VCL: variants seen among roughly 807,000 people sequenced by gnomAD.
The protein encoded by VCL is epididymis luminal protein 114.
VCL carries 47 observed loss-of-function variants against 125.7 expected under a neutral mutation model. That is an observed-to-expected ratio of 0.37 (90% confidence interval 0.30 to 0.48). The LOEUF (loss-of-function observed/expected upper bound fraction) is 0.48, where lower values mean the gene tolerates loss of function less well. Ranked by LOEUF, VCL falls within the 20% of genes least tolerant of loss-of-function variation. The pLI, the probability that VCL is intolerant of heterozygous loss-of-function variation, is 0.99. For synonymous variants in VCL, 458 were observed against 514.6 expected (o/e 0.89, Z 1.49); for missense variants, 1,069 against 1,455.5 (o/e 0.73, Z 4.32).
chr10:74,051,025 C>G (rs1277352137), intron 2 of VCL, among the ~76,000 whole-genome samples: 1 of 149,546 alleles, frequency 6.7e-6, no homozygotes, highest in Non-Finnish European at 1.5e-5. Flanking sequence ...TTGCAACCTC[C>G]ACCTCCCAGG....
At chr10:74,106,367 T>A (rs993559901) in intron 16 of VCL, among the ~76,000 whole-genome samples, 2 of 152,254 alleles carry the variant, frequency 1.3e-5, no homozygotes, top group East Asian at 3.8e-4. Flanking sequence ...TGCTTTTTTT[T>A]CTTTGTAAAG....
At chr10:74,107,596 G>T (rs991576349) in intron 17 of VCL, among the ~76,000 whole-genome samples, 7 of 152,114 alleles carry the variant, frequency 4.6e-5, no homozygotes, top group African/African-American at 1.4e-4. Flanking sequence ...GGCTTGCTGT[G>T]ATGGGGAGCG....
At chr10:74,083,878 T>C (rs1275207696) in intron 8 of VCL, among the ~76,000 whole-genome samples, 1 of 150,602 alleles carries the variant, frequency 6.6e-6, no homozygotes, top group Admixed American at 6.6e-5. Flanking sequence ...TTTGTTTGTT[T>C]GTTTGTTTGA....
chr10:74,035,162 T>C (rs929960809), intron 1 of VCL, among the ~76,000 whole-genome samples: 1 of 152,170 alleles, frequency 6.6e-6, no homozygotes, highest in Admixed American at 6.5e-5. Context: ...TGTCTTTCTG[T>C]TTTCTTGTAC....
intron 1 of VCL, chr10:74,027,917 C>T (rs1840805151): frequency 6.6e-6 from 1 of 152,150 alleles, no homozygotes; most frequent in African/African-American, 2.4e-5. Flanking sequence ...CAGTCACAGA[C>T]CCTTAGTCAC....
In VCL at chr10:74,096,189, AAATTTATTT is replaced by A. The variant is rs1048897511; in HGVS notation, c.1743+337_1743+345del. Among the ~76,000 whole-genome samples, 38 of 150,516 alleles carry A rather than the reference AAATTTATTT, an allele frequency of 2.5e-4. 1 individual carries two copies. The highest frequency in any genetic ancestry group is 6.8e-3 in the Middle Eastern group (2 of 294). On this transcript the variant is annotated intron_variant, in intron 12 of 21. Transcript: ENST00000211998. Reference sequence around the variant, plus strand: ...TTAAATGGACTTCTTTTTAAAACTTAAATTTATTTAAGAGAAAACTCTGTGGGCCGGGCA... The same window carrying A: ...TTAAATGGACTTCTTTTTAAAACTTAAAGAGAAAACTCTGTGGGCCGGGCA...
In VCL at chr10:74,055,126, C is replaced by T. The variant is rs189638791; in HGVS notation, c.239+11973C>T. ...ACCAGTCTGGCTAACATGGTGGAAA[C>T]CCGTCTCTACTAAAAATACAGAAAT... On this transcript the variant is annotated intron_variant, in intron 2 of 21. Coordinates refer to ENST00000211998, the MANE Select transcript of VCL (RefSeq NM_014000.3). Among the ~76,000 whole-genome samples, 828 of 151,990 alleles carry T rather than the reference C, an allele frequency of 5.4e-3. 3 individuals carry two copies. The highest frequency in any genetic ancestry group is 9.3e-3 in the Non-Finnish European group (633 of 67,994).
chr10:74,050,008 C>A (rs1841270545), intron 2 of VCL, among the ~76,000 whole-genome samples: 1 of 152,086 alleles, frequency 6.6e-6, no homozygotes, highest in Non-Finnish European at 1.5e-5. Flanking sequence ...TGCAATGGAG[C>A]AGAAATGAAT....
intron 1 of VCL, among the ~76,000 whole-genome samples, chr10:74,021,715 G>A (rs1840670705): frequency 6.6e-6 from 1 of 152,188 alleles, no homozygotes; most frequent in Non-Finnish European, 1.5e-5. Context: ...GTCTGCTGAA[G>A]TTATATACTA....
intron 6 of VCL, chr10:74,075,653 G>C (rs1839573449): frequency 6.6e-6 from 1 of 152,364 alleles, no homozygotes; most frequent in African/African-American, 2.4e-5. Context: ...GCAGTGGGGG[G>C]AACACACTGT....
chr10:74,105,361 A>G lies in VCL; in HGVS notation c.2434+8A>G. ...GAAACATTTCCGACCCTGGTAAGCAATGCATGGCACTATGTCTCACCTCCA... is the reference window on the plus strand; with the variant it reads ...GAAACATTTCCGACCCTGGTAAGCAGTGCATGGCACTATGTCTCACCTCCA... On this transcript the variant is annotated splice_region_variant and intron_variant, in intron 16 of 21. Coordinates refer to ENST00000211998, the MANE Select transcript of VCL (RefSeq NM_014000.3). 3 of 1,612,108 alleles carry G rather than the reference A, an allele frequency of 1.9e-6. No individual in the cohort carries two copies. Among genetic ancestry groups the G allele is most frequent in the Non-Finnish European group, 2.5e-6 (3 of 1,179,922 alleles).
At chr10:74,070,895 T>C (rs983927470) in intron 3 of VCL, 75 bp downstream of exon 3, 8 of 1,611,260 alleles carry the variant, frequency 5.0e-6, no homozygotes, top group African/African-American at 4.0e-5. Flanking sequence ...AATGAAAATA[T>C]GTTGAATGCT....
At chr10:74,114,970 T>TG in intron 21 of VCL, 71 bp downstream of exon 21, 1 of 1,424,584 alleles carries the variant, frequency 7.0e-7, no homozygotes, top group African/African-American at 1.4e-5. Flanking sequence ...AACTCTGCTT[T>TG]GGGGAAATTT....
chr10:74,073,173 TC>T (rs1839516920), intron 5 of VCL, among the ~76,000 whole-genome samples: 1 of 152,142 alleles, frequency 6.6e-6, no homozygotes, highest in Non-Finnish European at 1.5e-5. Context: ...TCTCTTGACC[TC>T]GTGATCTGCC....
intron 8 of VCL, among the ~76,000 whole-genome samples, chr10:74,083,817 G>A (rs1262830567): frequency 3.3e-5 from 5 of 151,614 alleles, no homozygotes; most frequent in Non-Finnish European, 7.4e-5. Flanking sequence ...TCAGCCTCCC[G>A]GGTAGCTGGG....
Position 74,119,535 on chromosome 10 carries a change from T to C in VCL, c.*1366T>C, listed in dbSNP as rs1564537443. ...CACAGTAAGTTCCTACTAGGCAAAA[T>C]GAGAGGGCAGTGTTTCCTTTTTGGT... On this transcript the variant is annotated 3_prime_UTR_variant, in exon 22 of 22. Transcript: ENST00000211998. 1 of 152,172 alleles carries C rather than the reference T, an allele frequency of 6.6e-6. No homozygotes were observed. Among genetic ancestry groups the C allele is most frequent in the Non-Finnish European group, 1.5e-5 (1 of 68,040 alleles). 9.4% of individuals were successfully genotyped at this position (152,172 alleles called of 1,614,324 possible).
At chr10:74,100,287 G>A (rs1011087323) in intron 13 of VCL, among the ~76,000 whole-genome samples, 1 of 152,176 alleles carries the variant, frequency 6.6e-6, no homozygotes, top group African/African-American at 2.4e-5. Flanking sequence ...CCCTGTTAAA[G>A]GAAACATTAA....
intron 1 of VCL, among the ~76,000 whole-genome samples, chr10:74,034,616 C>G (rs1212610598): frequency 6.6e-6 from 1 of 152,236 alleles, no homozygotes; most frequent in African/African-American, 2.4e-5. Context: ...ATCCCCATCA[C>G]ACAGTGACAG....
chr10:74,038,004 T>C (rs78233821), intron 1 of VCL, among the ~76,000 whole-genome samples: 7 of 115,166 alleles, frequency 6.1e-5, no homozygotes, highest in Middle Eastern at 4.4e-3. Context: ...CTTTTCTTTT[T>C]TTTTTTTTTT....
Sources: gnomAD v4.1 joint callset for allele counts (sites outside exome capture counted in the v4.1 genomes callset) on GRCh38, gnomAD v4.1.1 for gene constraint, MANE v1.5 for transcripts, NCBI Gene and HGNC (gene_info 2026-07-23, HGNC 2026-07-21) for gene names.